The following BLTP2 variants were observed in gnomAD, a reference collection of about 807,000 sequenced individuals.
BLTP2 encodes the protein U937-associated antigen.
chr17:28,635,319 A>T, the BLTP2 span: 9 of 1,613,930 alleles, frequency 5.6e-6, no homozygotes, highest in South Asian at 1.1e-5. Flanking sequence ...TCAGTGACAC[A>T]CTCTCTGCAG....
the BLTP2 span, chr17:28,618,699 C>T: frequency 6.4e-6 from 6 of 932,504 alleles, no homozygotes; most frequent in East Asian, 2.5e-5. Flanking sequence ...AATAATTAAC[C>T]CCCTTTTATT....
the BLTP2 span, chr17:28,619,103 T>C: frequency 1.6e-6 from 1 of 644,490 alleles, no homozygotes; most frequent in Non-Finnish European, 2.6e-6. Context: ...AGTCCCTACA[T>C]TTTTTTCACT....
the BLTP2 span, chr17:28,640,055 G>A: frequency 8.9e-5 from 144 of 1,609,374 alleles, no homozygotes; most frequent in Non-Finnish European, 3.8e-5. Flanking sequence ...AGCTCAGGAA[G>A]ATGTGGAATG....
the BLTP2 span, chr17:28,637,910 T>C: frequency 6.2e-7 from 1 of 1,614,118 alleles, no homozygotes; most frequent in Non-Finnish European, 8.5e-7. Context: ...TGACACAGAT[T>C]CCCCAAATGA....
the BLTP2 span, chr17:28,614,930 G>A: frequency 3.9e-6 from 3 of 777,196 alleles, no homozygotes; most frequent in Non-Finnish European, 6.4e-6. Context: ...AACAGACCAG[G>A]TGCTGAAGAG....
At chr17:28,644,221 T>A in the BLTP2 span, 1 of 1,604,560 alleles carries the variant, frequency 6.2e-7, no homozygotes, top group Non-Finnish European at 8.5e-7. Flanking sequence ...CATAGGACCT[T>A]TTTCCAATGA....
At chr17:28,617,867 G>A in the BLTP2 span, among the ~76,000 whole-genome samples, 6 of 151,168 alleles carry the variant, frequency 4.0e-5, no homozygotes, top group Non-Finnish European at 7.4e-5. Flanking sequence ...GGGTTCAAGC[G>A]ATTCTCCTGC....
chr17:28,635,302 T>C, the BLTP2 span: 1 of 1,614,192 alleles, frequency 6.2e-7, no homozygotes, highest in Non-Finnish European at 8.5e-7. Context: ...GGAACCTCCA[T>C]GCCGGCTCAG....
the BLTP2 span, chr17:28,638,994 C>T: frequency 0.013 from 6,020 of 467,402 alleles, 66 homozygotes; most frequent in Middle Eastern, 0.028. Context: ...AGAAGCACTA[C>T]ACAAAGACAT....
chr17:28,635,162 G>A, the BLTP2 span: 1 of 1,614,016 alleles, frequency 6.2e-7, no homozygotes, highest in Non-Finnish European at 8.5e-7. Context: ...AGGGTCTGCA[G>A]CGCAGGGAAG....
At chr17:28,620,126 C>A in the BLTP2 span, 87 of 979,118 alleles carry the variant, frequency 8.9e-5, no homozygotes, top group South Asian at 1.3e-3. Context: ...AGAAAGCTAA[C>A]CTTTATCTGT....
At chr17:28,639,738 T>C in the BLTP2 span, 1 of 1,417,854 alleles carries the variant, frequency 7.1e-7, no homozygotes, top group Non-Finnish European at 1.0e-6. Flanking sequence ...ATCAACAGAC[T>C]GTCATCAAAA....
At chr17:28,639,389 G>A in the BLTP2 span, 38 of 1,613,974 alleles carry the variant, frequency 2.4e-5, no homozygotes, top group Non-Finnish European at 3.1e-5. Flanking sequence ...GCCAGTGAGA[G>A]AATTCCTGGT....
chr17:28,643,053 G>T, the BLTP2 span: 23 of 1,529,014 alleles, frequency 1.5e-5, no homozygotes, highest in Non-Finnish European at 2.1e-5. Context: ...TTCCAGATGA[G>T]AAAGAGGGGC....
the BLTP2 span, chr17:28,637,783 T>C: frequency 6.4e-7 from 1 of 1,561,698 alleles, no homozygotes; most frequent in Non-Finnish European, 8.7e-7. Context: ...GTGATTCTCC[T>C]GCCTCAGTCT....
chr17:28,637,852 G>C, the BLTP2 span: 2 of 1,613,886 alleles, frequency 1.2e-6, no homozygotes, highest in Non-Finnish European at 1.7e-6. Context: ...AGGCAGAAAG[G>C]GTAAACAAGT....
chr17:28,638,497 T>C, the BLTP2 span: 2 of 1,599,774 alleles, frequency 1.3e-6, no homozygotes, highest in Non-Finnish European at 1.7e-6. Flanking sequence ...GACAGATTCT[T>C]GTTCCTATTC....
At chr17:28,617,935 T>C in the BLTP2 span, among the ~76,000 whole-genome samples, 133 of 148,492 alleles carry the variant, frequency 9.0e-4, no homozygotes, top group Non-Finnish European at 1.4e-3. Flanking sequence ...AATTTTCTTT[T>C]TTTTTTTTTT....
At chr17:28,635,304 C>A in the BLTP2 span, 2 of 1,614,188 alleles carry the variant, frequency 1.2e-6, no homozygotes, top group Admixed American at 3.3e-5. Flanking sequence ...AACCTCCATG[C>A]CGGCTCAGTG....
Sources: gnomAD v4.1 joint callset for allele counts (sites outside exome capture counted in the v4.1 genomes callset) on GRCh38, gnomAD v4.1.1 for gene constraint, MANE v1.5 for transcripts, NCBI Gene and HGNC (gene_info 2026-07-23, HGNC 2026-07-21) for gene names.